The following SGCZ variants were observed in gnomAD, a reference collection of about 807,000 sequenced individuals.
The protein encoded by SGCZ is zeta-sarcoglycan.
SGCZ carries 40 observed loss-of-function variants against 41.3 expected under a neutral mutation model. The observed-to-expected ratio is 0.97, with a 90% CI of 0.75 to 1.26. The LOEUF is 1.26. Ranked by LOEUF, SGCZ falls within the 50% of genes most tolerant of loss-of-function variation. SGCZ has a pLI of 0.00. For synonymous variants in SGCZ, 206 were observed against 137.5 expected, an observed-to-expected ratio of 1.50 and a Z score of -3.49; for missense variants, 552 against 369.8, an observed-to-expected ratio of 1.49 and a Z score of -4.04.
chr8:14,701,436 A>C (rs1809133222), intron 1 of SGCZ, among the ~76,000 whole-genome samples: 1 of 151,946 alleles, frequency 6.6e-6, no homozygotes, highest in Non-Finnish European at 1.5e-5. Flanking sequence ...ATTCATCCAC[A>C]ATAAAGCCTC....
At position 14,992,329 on chromosome 8, in the gene SGCZ, C is replaced by T. The variant is rs190363426; in HGVS notation, c.39+245256G>A. Among the ~76,000 whole-genome samples the T allele has an allele frequency of 3.3e-5, 5 of 151,004 alleles. No homozygotes were observed. In the East Asian group the frequency reaches 9.8e-4, roughly 30 times the overall value. ...CATTGATATTTACCCCTCACCCATCCTCCTCATCCAATCTACTCCCAAATC... is the reference window on the plus strand; with the variant it reads ...CATTGATATTTACCCCTCACCCATCTTCCTCATCCAATCTACTCCCAAATC... On this transcript the variant is annotated intron_variant, in intron 1 of 7. Coordinates refer to ENST00000382080, the MANE Select transcript of SGCZ (RefSeq NM_139167.4).
intron 1 of SGCZ, among the ~76,000 whole-genome samples, chr8:14,740,139 A>C (rs963628156): frequency 6.6e-6 from 1 of 152,092 alleles, no homozygotes; most frequent in Non-Finnish European, 1.5e-5. Context: ...TCTAGAGGTT[A>C]CTTTCAGCTT....
intron 2 of SGCZ, among the ~76,000 whole-genome samples, chr8:14,524,194 GCT>G (rs1201223907): frequency 5.3e-5 from 8 of 151,704 alleles, no homozygotes; most frequent in African/African-American, 1.9e-4. Flanking sequence ...TGGCTACAAG[GCT>G]CTGTTTCAAT....
At chr8:14,784,297 C>A (rs1254119783) in intron 1 of SGCZ, among the ~76,000 whole-genome samples, 1 of 151,812 alleles carries the variant, frequency 6.6e-6, no homozygotes, top group African/African-American at 2.4e-5. Flanking sequence ...TGTGATCTTC[C>A]CACTTTGGCC....
At position 14,680,963 on chromosome 8, in the gene SGCZ, G is replaced by GAAAAAAAAAAAAAAAAA. The variant is rs374278969; in HGVS notation, c.40-126038_40-126037insTTTTTTTTTTTTTTTTT. ...TGAAACATACAGAGGAAAAAGAGTGGGAAAAAAAAAAAAAAAAACAGAAAA... is the reference window on the plus strand; with the variant it reads ...TGAAACATACAGAGGAAAAAGAGTGGAAAAAAAAAAAAAAAAAGAAAAAAAAAAAAAAAAACAGAAAA... On this transcript the variant is annotated intron_variant, in intron 1 of 7. Coordinates refer to ENST00000382080, the MANE Select transcript of SGCZ (RefSeq NM_139167.4). 2.1e-4 allele frequency among the ~76,000 whole-genome samples: 22 copies of GAAAAAAAAAAAAAAAAA among 106,164 alleles called. 1 individual carries two copies. Among genetic ancestry groups the GAAAAAAAAAAAAAAAAA allele is most frequent in the African/African-American group, 2.6e-4 (6 of 22,960 alleles). 69.6% of individuals were successfully genotyped at this position (106,164 alleles called of 152,430 possible). A position where few individuals can be genotyped will look rare whatever the true frequency, so the allele number is the denominator to read the frequency against.
rs575793917 is a variant in SGCZ, at chr8:14,813,036, T to G, written c.40-258110A>C. Among the ~76,000 whole-genome samples, 110 of 152,278 alleles carry G rather than the reference T, an allele frequency of 7.2e-4. 2 individuals are homozygous for G. The South Asian group carries it at 7.9e-3, about 11-fold the overall frequency. On this transcript the variant is annotated intron_variant, in intron 1 of 7. Coordinates refer to ENST00000382080, the MANE Select transcript of SGCZ (RefSeq NM_139167.4). ...GAGAGTCTAAAATAAATTTGAATAATTGAAATGTTAAATACTCTTAAATAA... is the reference window on the plus strand; with the variant it reads ...GAGAGTCTAAAATAAATTTGAATAAGTGAAATGTTAAATACTCTTAAATAA...
At chr8:14,309,179 AC>A in intron 3 of SGCZ, 2 of 1,480,368 alleles carry the variant, frequency 1.4e-6, no homozygotes, top group Admixed American at 3.4e-5. Flanking sequence ...AAAAAGCAAA[AC>A]TTGGCAAGCA....
chr8:14,656,361 CCTTTT>C (rs1563182852), intron 1 of SGCZ, among the ~76,000 whole-genome samples: 1 of 149,586 alleles, frequency 6.7e-6, no homozygotes, highest in East Asian at 2.1e-4. Flanking sequence ...CTTCCTTCTT[CCTTTT>C]CTTTTCGTTT....
intron 1 of SGCZ, among the ~76,000 whole-genome samples, chr8:14,668,925 TG>T (rs1230009140): frequency 3.0e-4 from 31 of 102,902 alleles, no homozygotes; most frequent in African/African-American, 1.6e-3. Flanking sequence ...TTCTTGTGTG[TG>T]TGTGTGTGTA....
At chr8:14,546,099 G>T (rs946796384) in intron 2 of SGCZ, among the ~76,000 whole-genome samples, 1 of 152,086 alleles carries the variant, frequency 6.6e-6, no homozygotes, top group African/African-American at 2.4e-5. Flanking sequence ...CATACGGAAG[G>T]GTATAATGGA....
chr8:14,588,164 T>C (rs545688994), intron 1 of SGCZ, among the ~76,000 whole-genome samples: 1 of 148,580 alleles, frequency 6.7e-6, no homozygotes, highest in Non-Finnish European at 1.5e-5. Flanking sequence ...TAGAATATGA[T>C]AAAATTTTTC....
chr8:14,819,391 A>G (rs1450483469), intron 1 of SGCZ, among the ~76,000 whole-genome samples: 3 of 152,102 alleles, frequency 2.0e-5, no homozygotes. Flanking sequence ...TTCCTTAAGC[A>G]CTTTGTATAT....
intron 5 of SGCZ, among the ~76,000 whole-genome samples, chr8:14,146,890 A>AAAAAAAAATAATAATAAT (rs1182329393): frequency 6.2e-4 from 72 of 116,120 alleles, no homozygotes; most frequent in East Asian, 9.5e-4. Context: ...AAAATAAAAA[A>AAAAAAAAATAATAATAAT]AATAATAATA....
chr8:14,747,690 T>G (rs1181700307), intron 1 of SGCZ, among the ~76,000 whole-genome samples: 1 of 133,534 alleles, frequency 7.5e-6, no homozygotes, highest in African/African-American at 2.6e-5. Context: ...TTATTATTAT[T>G]ATGTGTGTGT....
chr8:14,200,626 T>G (rs1805423913), intron 4 of SGCZ, among the ~76,000 whole-genome samples: 1 of 152,118 alleles, frequency 6.6e-6, no homozygotes, highest in Non-Finnish European at 1.5e-5. Flanking sequence ...TTTGTTTTGT[T>G]TTGTTTTTCC....
At chr8:14,150,355 C>A (rs1397618651) in intron 5 of SGCZ, among the ~76,000 whole-genome samples, 2 of 151,882 alleles carry the variant, frequency 1.3e-5, no homozygotes, top group African/African-American at 4.8e-5. Context: ...AAAATTCAAT[C>A]AAAAAATGGG....
In SGCZ at chr8:14,317,902, G is replaced by A. The variant is rs774208055; in HGVS notation, c.336+6201C>T. ...CACAACGGATTATTAAGTTTATTTT[G>A]AAGACAAAATGCACGATAGGCAAAA... On this transcript the variant is annotated intron_variant, in intron 3 of 7. Transcript: ENST00000382080. Among the ~76,000 whole-genome samples, 75 of 151,326 alleles carry A rather than the reference G, an allele frequency of 5.0e-4. 1 individual carries two copies. The highest frequency in any genetic ancestry group is 2.5e-4 in the Non-Finnish European group (17 of 67,842).
chr8:14,256,105 G>T (rs35212565), intron 3 of SGCZ, among the ~76,000 whole-genome samples: 32,070 of 151,932 alleles, frequency 0.21, 4,499 homozygotes, highest in Non-Finnish European at 0.31. Context: ...TATATTTTAG[G>T]AAAAGCTGGG....
intron 2 of SGCZ, among the ~76,000 whole-genome samples, chr8:14,490,999 C>T (rs1020422767): frequency 6.6e-6 from 1 of 152,122 alleles, no homozygotes; most frequent in African/African-American, 2.4e-5. Flanking sequence ...AAAATTATTC[C>T]TGTCTCATTC....
Sources: gnomAD v4.1 joint callset for allele counts (sites outside exome capture counted in the v4.1 genomes callset) on GRCh38, gnomAD v4.1.1 for gene constraint, MANE v1.5 for transcripts, NCBI Gene and HGNC (gene_info 2026-07-23, HGNC 2026-07-21) for gene names.